CTNNA2: variants seen among roughly 807,000 people sequenced by gnomAD.
CTNNA2 encodes catenin alpha-2.
CTNNA2 carries 42 observed loss-of-function variants against 101.0 expected under a neutral mutation model. The observed-to-expected ratio is 0.42, with a 90% CI of 0.32 to 0.54. The LOEUF is 0.54. CTNNA2 is among the 20% of genes least tolerant of loss of function. The pLI is 0.14. For missense variants in CTNNA2, 871 were observed against 1,223.1 expected (o/e 0.71, Z 4.29); for synonymous variants, 450 against 456.4 (o/e 0.99, Z 0.18).
chr2:79,571,506 T>G (rs2103824275), intron 1 of CTNNA2, among the ~76,000 whole-genome samples: 1 of 152,320 alleles, frequency 6.6e-6, no homozygotes, highest in East Asian at 1.9e-4. Context: ...TCTTTTCAGC[T>G]TTTAAACTGA....
At chr2:79,636,549 C>T (rs1026909787) in intron 1 of CTNNA2, among the ~76,000 whole-genome samples, 16 of 151,994 alleles carry the variant, frequency 1.1e-4, no homozygotes, top group South Asian at 1.0e-3. Context: ...AACAACATTG[C>T]CAAATATTTC....
intron 7 of CTNNA2, among the ~76,000 whole-genome samples, chr2:80,359,936 T>C (rs1674233623): frequency 6.6e-6 from 1 of 152,174 alleles, no homozygotes; most frequent in Admixed American, 6.5e-5. Flanking sequence ...GCTATTGTGA[T>C]TTTGATTGGA....
intron 1 of CTNNA2, among the ~76,000 whole-genome samples, chr2:79,621,806 T>C (rs1005687110): frequency 7.2e-5 from 11 of 152,258 alleles, no homozygotes; most frequent in Middle Eastern, 6.8e-3. Flanking sequence ...TGATGAACCA[T>C]GTGGACAGTT....
At chr2:80,407,485 G>A (rs1679175145) in intron 8 of CTNNA2, among the ~76,000 whole-genome samples, 1 of 152,168 alleles carries the variant, frequency 6.6e-6, no homozygotes, top group Admixed American at 6.5e-5. Context: ...ATGTAATGTT[G>A]TATTGACTGC....
At chr2:79,444,888 A>C (rs1678816033) in intron 4 of CTNNA2, among the ~76,000 whole-genome samples, 1 of 152,128 alleles carries the variant, frequency 6.6e-6, no homozygotes, top group Non-Finnish European at 1.5e-5. Context: ...GAAAAATGGA[A>C]GAAATTACTC....
At chr2:80,150,101 T>C (rs751582622) in intron 7 of CTNNA2, among the ~76,000 whole-genome samples, 8 of 152,160 alleles carry the variant, frequency 5.3e-5, no homozygotes, top group Non-Finnish European at 7.3e-5. Context: ...GTTGCCACAC[T>C]GTGGAAAATC....
intron 9 of CTNNA2, among the ~76,000 whole-genome samples, chr2:80,453,656 A>G (rs1162587948): frequency 6.6e-6 from 1 of 152,230 alleles, no homozygotes; most frequent in African/African-American, 2.4e-5. Flanking sequence ...ACACTACAGA[A>G]CATATATCTG....
chr2:80,365,431 A>G (rs1447215379), intron 7 of CTNNA2, among the ~76,000 whole-genome samples: 1 of 152,184 alleles, frequency 6.6e-6, no homozygotes, highest in Non-Finnish European at 1.5e-5. Context: ...ATCTGGCAAT[A>G]GTATTTTGTA....
At chr2:79,347,036 C>A (rs938270600) in intron 3 of CTNNA2, among the ~76,000 whole-genome samples, 1 of 152,116 alleles carries the variant, frequency 6.6e-6, no homozygotes, top group African/African-American at 2.4e-5. Context: ...GTCCAAACTT[C>A]AACATTACCC....
At chr2:80,014,908 A>T (rs1694035995) in intron 7 of CTNNA2, among the ~76,000 whole-genome samples, 1 of 152,274 alleles carries the variant, frequency 6.6e-6, no homozygotes, top group Middle Eastern at 3.4e-3. Context: ...TCACCTCAAG[A>T]TGGGGAAGGA....
intron 7 of CTNNA2, among the ~76,000 whole-genome samples, chr2:79,956,843 G>GTTTTTTTTTTCTTTTTTTTTTTTTTT (rs1302247404): frequency 2.0e-5 from 2 of 98,936 alleles, no homozygotes; most frequent in African/African-American, 4.7e-5. Flanking sequence ...ATACGTGTGG[G>GTTTTTTTTTTCTTTTTTTTTTTTTTT]TTTTTTTTTT....
At chr2:79,566,071 G>C (rs1675094605) in intron 1 of CTNNA2, among the ~76,000 whole-genome samples, 1 of 151,966 alleles carries the variant, frequency 6.6e-6, no homozygotes, top group Non-Finnish European at 1.5e-5. Flanking sequence ...GAAGTCTGTG[G>C]GCAATGGTGC....
intron 2 of CTNNA2, among the ~76,000 whole-genome samples, chr2:79,706,332 C>CA (rs1215096627): frequency 7.0e-6 from 1 of 142,284 alleles, no homozygotes; most frequent in Non-Finnish European, 1.5e-5. Flanking sequence ...CACTGCACTC[C>CA]GCCCTGGGCG....
chr2:80,137,037 G>A (rs1558842037), intron 7 of CTNNA2, among the ~76,000 whole-genome samples: 1 of 152,190 alleles, frequency 6.6e-6, no homozygotes, highest in Non-Finnish European at 1.5e-5. Flanking sequence ...TCCAAGCACA[G>A]GAAGTGCCTG....
chr2:80,613,924 C>T (rs751995859), intron 17 of CTNNA2, among the ~76,000 whole-genome samples: 4 of 151,334 alleles, frequency 2.6e-5, no homozygotes, highest in Non-Finnish European at 5.9e-5. Context: ...CTTGTAACAG[C>T]AGGAGTTAGT....
Position 80,383,773 on chromosome 2 carries a change from G to GA in CTNNA2, c.1057-9427dup, listed in dbSNP as rs371481671. Among the ~76,000 whole-genome samples, 22 of 145,864 alleles carry GA rather than the reference G, an allele frequency of 1.5e-4. 1 individual carries two copies. The highest frequency in any genetic ancestry group is 1.4e-3 in the East Asian group (7 of 5,024). On this transcript the variant is annotated intron_variant, in intron 7 of 18. Coordinates refer to ENST00000402739, the MANE Select transcript of CTNNA2 (RefSeq NM_001282597.3). ...CTGAAGCCCTAACATACAGGCCCAA[G>GA]AAAAAAAAAAATTACCATTCAACCT...
At chr2:79,930,339 AGAAAGAAAGAAAGAAAGAAT>A (rs1284318755) in intron 7 of CTNNA2, among the ~76,000 whole-genome samples, 3,003 of 124,954 alleles carry the variant, frequency 0.024, 78 homozygotes, top group East Asian at 0.068. Context: ...AAAGAAAGAA[AGAAAGAAAGAAAGAAAGAAT>A]GAACACGGGT....
At chr2:79,456,781 T>C (rs1007088168) in intron 4 of CTNNA2, among the ~76,000 whole-genome samples, 3 of 152,240 alleles carry the variant, frequency 2.0e-5, no homozygotes, top group Non-Finnish European at 4.4e-5. Flanking sequence ...ACCAAAGTTC[T>C]GCTCAGAACA....
At chr2:79,594,799 G>A (rs1418614926) in intron 1 of CTNNA2, among the ~76,000 whole-genome samples, 3 of 151,814 alleles carry the variant, frequency 2.0e-5, no homozygotes, top group East Asian at 1.9e-4. Flanking sequence ...GAGCCCACAA[G>A]CATACTAAAA....
Sources: allele counts gnomAD v4.1 joint callset (sites outside exome capture counted in the v4.1 genomes callset), GRCh38; gene constraint gnomAD v4.1.1; transcripts MANE v1.5; gene names NCBI Gene and HGNC (gene_info 2026-07-23, HGNC 2026-07-21).